The following MLPH variants were observed in gnomAD, a reference collection of about 807,000 sequenced individuals.
MLPH encodes melanophilin.
MLPH carries 51 observed loss-of-function variants against 72.1 expected under a neutral mutation model. That is an observed-to-expected ratio of 0.71 (90% CI 0.56 to 0.89). The LOEUF (loss-of-function observed/expected upper bound fraction) is 0.89. Among genes scored for constraint, MLPH ranks in the 40% least tolerant of loss-of-function variants. The probability of loss-of-function intolerance (pLI) is 0.00; values close to 1 mark genes in which losing one functional copy is unlikely to be tolerated. For missense variants in MLPH, 743 were observed against 759.9 expected, an observed-to-expected ratio of 0.98 and a Z score of 0.26; for synonymous variants, 301 against 310.1, an observed-to-expected ratio of 0.97 and a Z score of 0.31.
intron 2 of MLPH, among the ~76,000 whole-genome samples, chr2:237,497,246 C>G (rs752433358): frequency 6.6e-6 from 1 of 152,204 alleles, no homozygotes; most frequent in South Asian, 2.1e-4. Context: ...CCGTGCAATT[C>G]GGTTCCTCAC....
At chr2:237,539,944 C>A (rs768388143) in intron 9 of MLPH, among the ~76,000 whole-genome samples, 1 of 152,164 alleles carries the variant, frequency 6.6e-6, no homozygotes, top group Non-Finnish European at 1.5e-5. Context: ...GAAGCTGGAC[C>A]CGACCAAGGC....
intron 4 of MLPH, among the ~76,000 whole-genome samples, chr2:237,515,702 A>G (rs962031207): frequency 6.6e-6 from 1 of 152,166 alleles, no homozygotes. Context: ...GGCTGGGATT[A>G]ATAGAAACAG....
chr2:237,505,310 C>T lies in MLPH; in HGVS notation c.111-5264C>T, dbSNP rs534457611. ...GACCCTGATCCCAGCCACATACCCACGTGCTGTGGCCTCTTCCACCAACCC... is the reference window on the plus strand; with the variant it reads ...GACCCTGATCCCAGCCACATACCCATGTGCTGTGGCCTCTTCCACCAACCC... On this transcript the variant is annotated intron_variant, in intron 2 of 15. Coordinates refer to ENST00000264605, the MANE Select transcript of MLPH (RefSeq NM_024101.7). The surrounding 1 kb of genome is among the most constrained non-coding windows in gnomAD (Gnocchi z 4.5). Among the ~76,000 whole-genome samples the T allele has an allele frequency of 7.9e-5, 12 of 152,160 alleles. No individual in the cohort carries two copies. The highest frequency in any genetic ancestry group is 2.1e-4 in the South Asian group (1 of 4,824).
In MLPH at chr2:237,534,614, C is replaced by CTAT. The variant is rs770202660; in HGVS notation, c.1071_1072insTAT (p.Tyr357dup). On this transcript the variant is annotated inframe_insertion, in exon 9 of 16. Coordinates refer to ENST00000264605, the MANE Select transcript of MLPH (RefSeq NM_024101.7). The stretch of plus-strand genomic sequence containing the variant: ...CAGCTGTGGAATGCCTGCTGACCTA[C>CTAT]CTGGAGAACACAGTTGTGCCTCCCT... 6.2e-6 allele frequency: 10 copies of CTAT among 1,613,978 alleles called. No individual in the cohort carries two copies. The East Asian group carries it at 6.7e-5, about 11-fold the overall frequency.
intron 4 of MLPH, chr2:237,518,266 G>A: frequency 3.6e-6 from 2 of 548,346 alleles, no homozygotes. Flanking sequence ...TGCATGGATG[G>A]ATGGGCTGCC....
chr2:237,543,028 G>C (rs1192592148), intron 12 of MLPH, among the ~76,000 whole-genome samples: 1 of 66,014 alleles, frequency 1.5e-5, no homozygotes, highest in Non-Finnish European at 2.8e-5. Flanking sequence ...GTGAGTTGGG[G>C]GACAGTAGTG....
intron 8 of MLPH, among the ~76,000 whole-genome samples, chr2:237,530,551 C>T (rs943545891): frequency 6.6e-6 from 1 of 152,216 alleles, no homozygotes; most frequent in Non-Finnish European, 1.5e-5. Flanking sequence ...GTAGTGTCAT[C>T]TGGAAGCTTC....
Position 237,542,620 on chromosome 2 carries a change from G to A in MLPH, c.1500G>A (p.Val500=). 1 of 1,600,860 alleles carries A rather than the reference G, an allele frequency of 6.2e-7. No homozygotes were observed. Among genetic ancestry groups the A allele is most frequent in the Non-Finnish European group, 8.5e-7 (1 of 1,174,700 alleles). ...IAALRAAGLT[V]KPSGKPRRKS... ...CCCTGAGGGCCGCAGGGCTCACGGT[G>A]AAGCCCTCGGGAAAGCCCCGGAGGA... Residue 500 remains valine, a synonymous_variant, in exon 12 of 16, where the codon GTG becomes GTA. Transcript: ENST00000264605.
chr2:237,507,083 T>TTTTTTTTTTTTG (rs2079793233), intron 2 of MLPH, among the ~76,000 whole-genome samples: 1 of 141,598 alleles, frequency 7.1e-6, no homozygotes, highest in African/African-American at 2.6e-5. Context: ...TTTTTTTTTT[T>TTTTTTTTTTTTG]GAGACAAAGT....
chr2:237,508,402 G>A (rs2079821443), intron 2 of MLPH, among the ~76,000 whole-genome samples: 1 of 152,158 alleles, frequency 6.6e-6, no homozygotes. Context: ...GTGAGCCACT[G>A]CACCCAGCTC....
rs767840362 is a variant in MLPH, at chr2:237,552,404, C to A, written c.1743C>A (p.Asn581Lys). Residue 581 changes from asparagine (N) to lysine (K), a missense_variant, in exon 15 of 16, where the codon AAC (asparagine) becomes AAA (lysine). By Grantham distance (94) the Asn-to-Lys change is moderately conservative (BLOSUM62 0). Coordinates refer to ENST00000264605, the MANE Select transcript of MLPH (RefSeq NM_024101.7). ...GCTCGCTGACACAGAGAAACCCCAA[C>A]GCGAGGAAAGGAATGGCCAGCCACA... Reference protein sequence around the residue: ...YRGSLTQRNPNARKGMASHTF... With the variant: ...YRGSLTQRNPKARKGMASHTF... 5 of 1,614,038 alleles carry A rather than the reference C, an allele frequency of 3.1e-6. No homozygotes were observed. The highest frequency in any genetic ancestry group is 1.3e-5 in the African/African-American group (1 of 74,992).
Position 237,540,223 on chromosome 2 carries a change from G to T in MLPH, c.1105-125G>T, listed in dbSNP as rs2080640371. ...GTTGGACAAGCTGGCATGGAGAAGGGAGGCAGCTGAGCTCAGCAGGAACCC... is the reference window on the plus strand; with the variant it reads ...GTTGGACAAGCTGGCATGGAGAAGGTAGGCAGCTGAGCTCAGCAGGAACCC... On this transcript the variant is annotated intron_variant, in intron 9 of 15. Transcript: ENST00000264605. 21 of 1,050,060 alleles carry T rather than the reference G, an allele frequency of 2.0e-5. 1 individual carries two copies. In the South Asian group the frequency reaches 3.0e-4, roughly 15 times the overall value. 65.0% of individuals were successfully genotyped at this position (1,050,060 alleles called of 1,614,324 possible).
intron 13 of MLPH, among the ~76,000 whole-genome samples, 163 bp downstream of exon 13, chr2:237,546,846 T>C (rs1350572133): frequency 6.6e-6 from 1 of 152,196 alleles, no homozygotes; most frequent in African/African-American, 2.4e-5. Context: ...GCAACTCTTG[T>C]GAGTTGGCTT....
At chr2:237,494,187 G>T (rs77856818) in intron 2 of MLPH, among the ~76,000 whole-genome samples, 11 of 152,074 alleles carry the variant, frequency 7.2e-5, no homozygotes, top group African/African-American at 2.2e-4. Flanking sequence ...CGAAGGGGGG[G>T]GCAGAGAGCA....
chr2:237,552,027 C>A, intron 14 of MLPH: 1 of 241,634 alleles, frequency 4.1e-6, no homozygotes, highest in Non-Finnish European at 7.9e-6. Context: ...CAAGGAAATG[C>A]GAAGACCACA....
chr2:237,513,798 G>A (rs1185889121), intron 4 of MLPH, among the ~76,000 whole-genome samples: 1 of 152,152 alleles, frequency 6.6e-6, no homozygotes, highest in Non-Finnish European at 1.5e-5. Context: ...GTCTCTGCCT[G>A]TTGGTTTGGG....
chr2:237,528,417 C>T (rs150149825), intron 8 of MLPH, among the ~76,000 whole-genome samples: 2,610 of 151,582 alleles, frequency 0.017, 45 homozygotes, highest in South Asian at 0.065. Flanking sequence ...ATGGCGCAAT[C>T]TCGGCTCACT....
At chr2:237,503,957 G>A (rs576918381) in intron 2 of MLPH, among the ~76,000 whole-genome samples, 14 of 152,182 alleles carry the variant, frequency 9.2e-5, no homozygotes, top group Non-Finnish European at 2.1e-4. Context: ...GGTTCCCTGG[G>A]CGGGCCTAAT....
intron 15 of MLPH, 51 bp downstream of exon 15, chr2:237,552,488 C>A: frequency 6.9e-7 from 1 of 1,447,716 alleles, no homozygotes; most frequent in Non-Finnish European, 9.7e-7. Flanking sequence ...AGTGACCCGT[C>A]AGATTTATGT....
Sources: gnomAD v4.1 joint callset for allele counts (sites outside exome capture counted in the v4.1 genomes callset) on GRCh38, gnomAD v4.1.1 for gene constraint, Gnocchi (gnomAD v3.1) non-coding constraint, MANE v1.5 for transcripts, NCBI Gene and HGNC (gene_info 2026-07-23, HGNC 2026-07-21) for gene names.